The following TAB2 variants were observed in gnomAD, a reference collection of about 807,000 sequenced individuals.
The protein encoded by TAB2 is TGF-beta-activated kinase 1 and MAP3K7-binding protein 2.
TAB2 carries 3 observed loss-of-function variants against 65.0 expected under a neutral mutation model. That is an observed-to-expected ratio of 0.05 (90% CI 0.02 to 0.12). The LOEUF is 0.12. Among genes scored for constraint, TAB2 ranks in the 10% least tolerant of loss-of-function variants. The pLI is 1.00. For missense variants in TAB2, 623 were observed against 840.3 expected, an observed-to-expected ratio of 0.74 and a Z score of 3.20; for synonymous variants, 298 against 285.1, an observed-to-expected ratio of 1.05 and a Z score of -0.46.
intron 1 of TAB2, chr6:149,321,312 T>C (rs1436401443): frequency 6.6e-6 from 1 of 152,186 alleles, no homozygotes; most frequent in Non-Finnish European, 1.5e-5. Flanking sequence ...TACTTAACAG[T>C]ATTTTAACAT....
At chr6:149,281,189 A>G (rs1337712569) in intron 1 of TAB2, among the ~76,000 whole-genome samples, 1 of 152,134 alleles carries the variant, frequency 6.6e-6, no homozygotes, top group East Asian at 1.9e-4. Context: ...TATTATAAAA[A>G]TATTTGAAGA....
At chr6:149,233,778 A>G (rs538601111) in intron 1 of TAB2, among the ~76,000 whole-genome samples, 1 of 152,314 alleles carries the variant, frequency 6.6e-6, no homozygotes, top group African/African-American at 2.4e-5. Context: ...TTGTTTTTGC[A>G]ACTACTTTTA....
intron 1 of TAB2, 28 bp from the exon 2 acceptor site, chr6:149,369,881 A>T (rs1781162312): frequency 1.2e-6 from 1 of 826,608 alleles, no homozygotes. Flanking sequence ...ATCAGTTCTC[A>T]TTAAAATTTT....
chr6:149,243,631 GC>G (rs1777644287), intron 1 of TAB2: 1 of 152,176 alleles, frequency 6.6e-6, no homozygotes, highest in Non-Finnish European at 1.5e-5. Flanking sequence ...CTTACCTTTA[GC>G]TTTTTGATTG....
At position 149,369,948 on chromosome 6, in the gene TAB2, A is replaced by AGGCCTAGAAT; in HGVS notation, c.-49_-40dup. On this transcript the variant is annotated 5_prime_UTR_variant, in exon 2 of 7. It adds an upstream start codon to the 5' untranslated region. Coordinates refer to ENST00000637181, the MANE Select transcript of TAB2 (RefSeq NM_001292034.3). ...GAAGAGATGAGTACTATTTCCACTA[A>AGGCCTAGAAT]GGCCTAGAATTGCCTACTGTACAAA... The AGGCCTAGAAT allele has an allele frequency of 6.7e-7, 1 of 1,491,880 alleles. No homozygotes were observed. Among genetic ancestry groups the AGGCCTAGAAT allele is most frequent in the Non-Finnish European group, 9.4e-7 (1 of 1,068,640 alleles). 92.4% of individuals were successfully genotyped at this position (1,491,880 alleles called of 1,614,324 possible). A position where few individuals can be genotyped will look rare whatever the true frequency, so the allele number is the denominator to read the frequency against.
intron 1 of TAB2, among the ~76,000 whole-genome samples, chr6:149,327,917 A>G (rs1054724525): frequency 6.6e-6 from 1 of 152,232 alleles, no homozygotes; most frequent in Non-Finnish European, 1.5e-5. Context: ...TTTGGCCTGC[A>G]TGAGACATAC....
chr6:149,273,666 C>T (rs962364896), intron 1 of TAB2, among the ~76,000 whole-genome samples: 3 of 152,204 alleles, frequency 2.0e-5, no homozygotes, highest in Admixed American at 2.0e-4. Flanking sequence ...AGACAGCATC[C>T]ACAGCCCATC....
At chr6:149,241,182 G>A (rs1010686140) in intron 1 of TAB2, among the ~76,000 whole-genome samples, 6 of 152,122 alleles carry the variant, frequency 3.9e-5, no homozygotes, top group Admixed American at 2.6e-4. Flanking sequence ...CCAGCCCCGA[G>A]AACTGGGAGG....
intron 2 of TAB2, among the ~76,000 whole-genome samples, chr6:149,370,764 T>C (rs1781197997): frequency 6.6e-6 from 1 of 152,082 alleles, no homozygotes; most frequent in African/African-American, 2.4e-5. Context: ...TGGAAATCTT[T>C]GTATCAGAAA....
chr6:149,322,573 T>A (rs9498321), intron 1 of TAB2, among the ~76,000 whole-genome samples: 1 of 151,928 alleles, frequency 6.6e-6, no homozygotes, highest in African/African-American at 2.4e-5. Context: ...AGATTTGGGA[T>A]CAGTTAAAAT....
At chr6:149,371,979 G>A (rs1781241771) in intron 2 of TAB2, among the ~76,000 whole-genome samples, 1 of 151,940 alleles carries the variant, frequency 6.6e-6, no homozygotes, top group African/African-American at 2.4e-5. Context: ...AGAATTTTGT[G>A]GTAAAATAAA....
chr6:149,334,667 C>T (rs1779880992), intron 1 of TAB2, among the ~76,000 whole-genome samples: 1 of 150,824 alleles, frequency 6.6e-6, no homozygotes, highest in Admixed American at 6.6e-5. Context: ...AGAGCAAGAC[C>T]TTGTCTCTTA....
chr6:149,283,923 A>G (rs1240440312), intron 1 of TAB2, among the ~76,000 whole-genome samples: 1 of 152,198 alleles, frequency 6.6e-6, no homozygotes, highest in Non-Finnish European at 1.5e-5. Flanking sequence ...AGATTTCAGG[A>G]CACAAGTTAT....
intron 2 of TAB2, among the ~76,000 whole-genome samples, chr6:149,377,362 TC>T (rs371582949): frequency 6.8e-6 from 1 of 148,086 alleles, no homozygotes; most frequent in African/African-American, 2.5e-5. Flanking sequence ...GAGGTTTTTT[TC>T]CCCCCCGCCA....
At position 149,357,430 on chromosome 6, in the gene TAB2, A is replaced by AAACACACACAC; in HGVS notation, c.-89-12478_-89-12477insACACACACACA. Among the ~76,000 whole-genome samples, 17 of 111,186 alleles carry AAACACACACAC rather than the reference A, an allele frequency of 1.5e-4. No homozygotes were observed. The East Asian group carries it at 2.2e-3, about 14-fold the overall frequency. 72.9% of individuals were successfully genotyped at this position (111,186 alleles called of 152,430 possible). ...GACTCCGTCTCAAGGAGAAAAAAAA[A>AAACACACACAC]ACACACACACACACACACACACACA... On this transcript the variant is annotated intron_variant, in intron 1 of 6. Coordinates refer to ENST00000637181, the MANE Select transcript of TAB2 (RefSeq NM_001292034.3).
chr6:149,352,996 A>G (rs748016614), intron 1 of TAB2, among the ~76,000 whole-genome samples: 1 of 152,056 alleles, frequency 6.6e-6, no homozygotes, highest in Non-Finnish European at 1.5e-5. Flanking sequence ...TACACACTCA[A>G]CTTTGTTTGC....
intron 1 of TAB2, among the ~76,000 whole-genome samples, chr6:149,265,081 A>G (rs1396593259): frequency 2.7e-5 from 4 of 148,984 alleles, no homozygotes; most frequent in African/African-American, 1.0e-4. Flanking sequence ...ATTTAGACAA[A>G]TTTAGTCTAT....
intron 1 of TAB2, among the ~76,000 whole-genome samples, chr6:149,368,116 G>C (rs1781098759): frequency 6.6e-6 from 1 of 152,096 alleles, no homozygotes; most frequent in South Asian, 2.1e-4. Flanking sequence ...CCAACATTCA[G>C]ATGTCCAGAA....
chr6:149,253,958 A>AAGAAAAG (rs1403666068), intron 1 of TAB2, among the ~76,000 whole-genome samples: 1 of 76,304 alleles, frequency 1.3e-5, no homozygotes, highest in Non-Finnish European at 2.7e-5. Context: ...GAAAGAAAGA[A>AAGAAAAG]AAAGAAAGAA....
Sources: allele counts gnomAD v4.1 joint callset (sites outside exome capture counted in the v4.1 genomes callset), GRCh38; gene constraint gnomAD v4.1.1; transcripts MANE v1.5; gene names NCBI Gene and HGNC (gene_info 2026-07-23, HGNC 2026-07-21).